Variants in RGS6 observed in about 807,000 individuals in gnomAD.
The protein encoded by RGS6 is regulator of G-protein signaling 6.
RGS6 carries 30 observed loss-of-function variants against 78.5 expected under a neutral mutation model. That is an observed-to-expected ratio of 0.38 (90% CI 0.29 to 0.52). The LOEUF is 0.52. Among genes scored for constraint, RGS6 ranks in the 20% least tolerant of loss-of-function variants. The pLI, the probability that RGS6 is intolerant of heterozygous loss-of-function variation, is 0.85. For synonymous variants in RGS6, 206 were observed against 206.0 expected, an observed-to-expected ratio of 1.00 and a Z score of 0.00; for missense variants, 495 against 609.7, an observed-to-expected ratio of 0.81 and a Z score of 1.98.
At chr14:72,321,688 T>G (rs2072088377) in intron 2 of RGS6, among the ~76,000 whole-genome samples, 1 of 151,946 alleles carries the variant, frequency 6.6e-6, no homozygotes, top group South Asian at 2.1e-4. Context: ...CAACGTAGCC[T>G]GAAAAGTTAA....
chr14:72,548,070 A>T (rs772912212), intron 17 of RGS6, among the ~76,000 whole-genome samples: 1 of 152,046 alleles, frequency 6.6e-6, no homozygotes, highest in Middle Eastern at 3.2e-3. Context: ...CAGCGTCTTC[A>T]TGGCAGGGGA....
At chr14:72,096,532 T>A (rs1255349554) in intron 2 of RGS6, among the ~76,000 whole-genome samples, 1 of 152,180 alleles carries the variant, frequency 6.6e-6, no homozygotes, top group East Asian at 1.9e-4. Flanking sequence ...TTCCTTGGCA[T>A]CCCTGTTCTG....
At chr14:72,088,447 T>C (rs1216922759) in intron 2 of RGS6, among the ~76,000 whole-genome samples, 1 of 152,140 alleles carries the variant, frequency 6.6e-6, no homozygotes, top group Non-Finnish European at 1.5e-5. Context: ...ATACTTCTGC[T>C]CTTCTTGGCA....
At chr14:71,922,137 C>CTCCA in the RGS6 span, among the ~76,000 whole-genome samples, 1 of 152,214 alleles carries the variant, frequency 6.6e-6, no homozygotes, top group African/African-American at 2.4e-5. Context: ...AGCAAACATG[C>CTCCA]TCCATCTTGT....
chr14:72,177,809 CG>C, intron 2 of RGS6, among the ~76,000 whole-genome samples: 1 of 152,152 alleles, frequency 6.6e-6, no homozygotes, highest in Non-Finnish European at 1.5e-5. Context: ...AGGAGAAAAT[CG>C]CATGGAATTT....
chr14:71,963,982 T>C (rs2093363148), intron 1 of RGS6, among the ~76,000 whole-genome samples: 1 of 152,160 alleles, frequency 6.6e-6, no homozygotes, highest in African/African-American at 2.4e-5. Context: ...CTACCAGCAA[T>C]GTTTGAGGAT....
At chr14:72,427,796 C>T (rs1022151161) in intron 3 of RGS6, among the ~76,000 whole-genome samples, 1 of 152,160 alleles carries the variant, frequency 6.6e-6, no homozygotes, top group African/African-American at 2.4e-5. Flanking sequence ...CCCCAAAGTC[C>T]TTCAAATTCA....
At chr14:71,917,853 T>C in the RGS6 span, among the ~76,000 whole-genome samples, 36 of 152,098 alleles carry the variant, frequency 2.4e-4, no homozygotes, top group Admixed American at 2.3e-3. Flanking sequence ...CAGCTAGGAC[T>C]TCTTAGCGGT....
intron 2 of RGS6, among the ~76,000 whole-genome samples, chr14:72,117,002 G>C (rs995992249): frequency 1.8e-4 from 27 of 148,284 alleles, no homozygotes; most frequent in Non-Finnish European, 4.5e-5. Context: ...GTTTAAAGTA[G>C]AGTGATATGG....
chr14:72,355,061 G>T (rs2079960597), intron 3 of RGS6, among the ~76,000 whole-genome samples: 1 of 151,998 alleles, frequency 6.6e-6, no homozygotes, highest in Non-Finnish European at 1.5e-5. Context: ...TCAAATTTAT[G>T]CTAGCCTCAT....
intron 2 of RGS6, among the ~76,000 whole-genome samples, chr14:71,976,022 A>C (rs1472205657): frequency 6.6e-6 from 1 of 151,562 alleles, no homozygotes; most frequent in East Asian, 1.9e-4. Context: ...TGAATTTGTA[A>C]CCTTAGTTAT....
chr14:72,418,278 T>G (rs758979605), intron 3 of RGS6, among the ~76,000 whole-genome samples: 1 of 152,172 alleles, frequency 6.6e-6, no homozygotes, highest in Non-Finnish European at 1.5e-5. Context: ...GCAATTCTCC[T>G]GCCTCAGCTT....
the RGS6 span, among the ~76,000 whole-genome samples, chr14:72,583,361 T>C: frequency 6.6e-6 from 1 of 152,252 alleles, no homozygotes; most frequent in African/African-American, 2.4e-5. Flanking sequence ...GATAGCTAGC[T>C]AGATAGCTGG....
At chr14:71,927,693 TGTCGCC>T, upstream of RGS6, among the ~76,000 whole-genome samples, 1 of 151,674 alleles carries the variant, frequency 6.6e-6, no homozygotes, top group East Asian at 1.9e-4. Context: ...AGTTTCGCTC[TGTCGCC>T]CAGGCTGGAG....
chr14:72,591,003 A>G, the RGS6 span, among the ~76,000 whole-genome samples: 2 of 152,250 alleles, frequency 1.3e-5, no homozygotes, highest in African/African-American at 2.4e-5. Context: ...TAAAAAATAC[A>G]TTTAAAACAG....
intron 2 of RGS6, among the ~76,000 whole-genome samples, chr14:72,097,478 T>A (rs549392360): frequency 2.0e-5 from 3 of 152,338 alleles, no homozygotes; most frequent in African/African-American, 7.2e-5. Context: ...TCTGAATGAA[T>A]GGCAATAGAG....
chr14:72,076,952 T>TATATATATATATATATAAATGTTATA (rs1567157548), intron 2 of RGS6, among the ~76,000 whole-genome samples: 2 of 145,488 alleles, frequency 1.4e-5, no homozygotes, highest in African/African-American at 5.1e-5. Flanking sequence ...CAGCCAAATT[T>TATATATATATATATATAAATGTTATA]TATATATATA....
At chr14:72,497,350 A>C (rs1334311026) in intron 13 of RGS6, among the ~76,000 whole-genome samples, 3 of 152,178 alleles carry the variant, frequency 2.0e-5, no homozygotes, top group Non-Finnish European at 2.9e-5. Context: ...TCACATGTTT[A>C]TTAGACAGAT....
chr14:72,536,539 G>A (rs746975517), intron 16 of RGS6, among the ~76,000 whole-genome samples: 7 of 152,058 alleles, frequency 4.6e-5, no homozygotes, highest in East Asian at 1.9e-4. Flanking sequence ...GGGTGGGTAC[G>A]TAGGGTGACA....
Sources: gnomAD v4.1 joint callset for allele counts (sites outside exome capture counted in the v4.1 genomes callset) on GRCh38, gnomAD v4.1.1 for gene constraint, MANE v1.5 for transcripts, NCBI Gene and HGNC (gene_info 2026-07-23, HGNC 2026-07-21) for gene names.